DSCAM: variants seen among roughly 807,000 people sequenced by gnomAD.
DSCAM encodes the protein DS cell adhesion molecule.
In DSCAM, 47 loss-of-function variants were observed where a neutral mutation model predicts 217.7. That is an observed-to-expected ratio of 0.22 (90% CI 0.17 to 0.28). The LOEUF (loss-of-function observed/expected upper bound fraction) is 0.28. Ranked by LOEUF, DSCAM falls within the 10% of genes least tolerant of loss-of-function variation. The probability of loss-of-function intolerance (pLI) is 1.00; values close to 1 mark genes in which losing one functional copy is unlikely to be tolerated. For missense variants in DSCAM, 2,080 were observed against 2,618.3 expected (o/e 0.79, Z 4.49); for synonymous variants, 1,056 against 1,015.3 (o/e 1.04, Z -0.76).
intron 3 of DSCAM, chr21:40,513,381 G>C (rs530459144): frequency 1.3e-5 from 2 of 152,308 alleles, no homozygotes; most frequent in South Asian, 4.1e-4. Flanking sequence ...GTTTGGTGCT[G>C]CTGTAAGGGA....
intron 3 of DSCAM, among the ~76,000 whole-genome samples, chr21:40,449,132 T>C (rs1244537065): frequency 6.6e-6 from 1 of 152,182 alleles, no homozygotes; most frequent in African/African-American, 2.4e-5. Context: ...CGCCTCCCTC[T>C]GACTATGTCT....
At chr21:40,799,924 C>T (rs1046193743) in intron 1 of DSCAM, among the ~76,000 whole-genome samples, 5 of 152,210 alleles carry the variant, frequency 3.3e-5, no homozygotes, top group Admixed American at 2.0e-4. Flanking sequence ...TTTGTCCCCT[C>T]TGAAACTCAT....
chr21:40,535,696 A>G (rs1168987835), intron 3 of DSCAM, among the ~76,000 whole-genome samples: 1 of 152,208 alleles, frequency 6.6e-6, no homozygotes, highest in African/African-American at 2.4e-5. Context: ...TGAGAAGCTC[A>G]AAGTCAGGTG....
chr21:40,485,612 C>A (rs992475429), intron 3 of DSCAM, among the ~76,000 whole-genome samples: 2 of 151,816 alleles, frequency 1.3e-5, no homozygotes, highest in Non-Finnish European at 2.9e-5. Flanking sequence ...TTTGAATCCA[C>A]CAATAACAAA....
At chr21:40,203,306 G>C (rs2091090207) in intron 11 of DSCAM, among the ~76,000 whole-genome samples, 1 of 152,186 alleles carries the variant, frequency 6.6e-6, no homozygotes, top group African/African-American at 2.4e-5. Context: ...TACATGTATA[G>C]TACCTGTTGT....
Position 40,779,655 on chromosome 21 carries a change from A to G in DSCAM, c.43+66964T>C, listed in dbSNP as rs1391986527. Among the ~76,000 whole-genome samples, 9 of 152,332 alleles carry G rather than the reference A, an allele frequency of 5.9e-5. No homozygotes were observed. The East Asian group carries it at 1.4e-3, about 23-fold the overall frequency. On this transcript the variant is annotated intron_variant, in intron 1 of 32. Transcript: ENST00000400454. ...ATGATAAAAAGTTAAGAGGAAAATA[A>G]AATAGGTGAGTTGATGGGAGGTGAC...
chr21:40,812,524 A>G (rs2091847986), intron 1 of DSCAM, among the ~76,000 whole-genome samples: 1 of 152,148 alleles, frequency 6.6e-6, no homozygotes, highest in Non-Finnish European at 1.5e-5. Context: ...TTTTGGATAC[A>G]TGTGAACCAT....
At chr21:40,297,953 A>G (rs2123452476) in intron 9 of DSCAM, among the ~76,000 whole-genome samples, 1 of 152,330 alleles carries the variant, frequency 6.6e-6, no homozygotes, top group Admixed American at 6.5e-5. Context: ...GGAGATGATT[A>G]TGGAACTCAT....
intron 3 of DSCAM, among the ~76,000 whole-genome samples, chr21:40,579,896 G>C (rs1248886285): frequency 6.6e-6 from 1 of 152,130 alleles, no homozygotes; most frequent in African/African-American, 2.4e-5. Flanking sequence ...ATGTCACGTA[G>C]AAGGTGGGCA....
At chr21:40,582,936 T>G (rs553627806) in intron 3 of DSCAM, among the ~76,000 whole-genome samples, 1 of 152,048 alleles carries the variant, frequency 6.6e-6, no homozygotes, top group African/African-American at 2.4e-5. Context: ...ATTTGAGCAA[T>G]GGAAAAGCAA....
At chr21:40,208,453 C>T (rs138835210) in intron 11 of DSCAM, among the ~76,000 whole-genome samples, 24 of 152,262 alleles carry the variant, frequency 1.6e-4, no homozygotes, top group African/African-American at 5.1e-4. Flanking sequence ...TGGGCTAAAC[C>T]GGGCCACAAT....
In DSCAM at chr21:40,179,460, C is replaced by G. The variant is rs552588017; in HGVS notation, c.2780-366G>C. Among the ~76,000 whole-genome samples the G allele has an allele frequency of 3.3e-5, 5 of 152,236 alleles. No homozygotes were observed. In the East Asian group the frequency reaches 9.7e-4, roughly 30 times the overall value. ...AGGTTAGTGGAATGGACGATGGCCA[C>G]TGTAAGCACTCATTGTATAGGACAG... is the stretch of plus-strand genomic sequence containing the variant. On this transcript the variant is annotated intron_variant, in intron 14 of 32. Coordinates refer to ENST00000400454, the MANE Select transcript of DSCAM (RefSeq NM_001389.5).
intron 11 of DSCAM, among the ~76,000 whole-genome samples, chr21:40,225,266 GC>G (rs2091321980): frequency 6.6e-6 from 1 of 152,068 alleles, no homozygotes; most frequent in African/African-American, 2.4e-5. Flanking sequence ...TACAAGACCT[GC>G]CCCAACCACT....
intron 3 of DSCAM, among the ~76,000 whole-genome samples, chr21:40,580,575 A>G (rs772557787): frequency 3.9e-5 from 6 of 152,134 alleles, no homozygotes; most frequent in Non-Finnish European, 8.8e-5. Flanking sequence ...AACGTTAAAA[A>G]GAAGGTAGAT....
At chr21:40,235,978 A>C (rs1024360443) in intron 11 of DSCAM, among the ~76,000 whole-genome samples, 2 of 152,192 alleles carry the variant, frequency 1.3e-5, no homozygotes, top group African/African-American at 4.8e-5. Context: ...CCAGGTGATG[A>C]AGTACAATGT....
chr21:40,716,552 A>T (rs181069958), intron 1 of DSCAM, among the ~76,000 whole-genome samples: 14 of 152,342 alleles, frequency 9.2e-5, no homozygotes. Context: ...TCAGTTGCAG[A>T]CTTCTCAATA....
chr21:40,554,461 C>G (rs74851471), intron 3 of DSCAM, among the ~76,000 whole-genome samples: 5,176 of 152,206 alleles, frequency 0.034, 124 homozygotes, highest in Middle Eastern at 0.054. Context: ...AGGGACCCCT[C>G]AAGTCCTTCA....
intron 3 of DSCAM, among the ~76,000 whole-genome samples, chr21:40,452,344 A>C (rs1317892511): frequency 6.6e-6 from 1 of 152,054 alleles, no homozygotes; most frequent in Non-Finnish European, 1.5e-5. Flanking sequence ...CTGAGTATTC[A>C]AATCTGATTT....
chr21:40,579,454 G>A (rs2076885620), intron 3 of DSCAM, among the ~76,000 whole-genome samples: 1 of 152,072 alleles, frequency 6.6e-6, no homozygotes, highest in Admixed American at 6.5e-5. Context: ...TCTTTAATAG[G>A]AGACCTGGAA....
Sources: allele counts gnomAD v4.1 joint callset (sites outside exome capture counted in the v4.1 genomes callset), GRCh38; gene constraint gnomAD v4.1.1; transcripts MANE v1.5; gene names NCBI Gene and HGNC (gene_info 2026-07-23, HGNC 2026-07-21).